Variants in CDH12 observed in about 807,000 individuals in gnomAD.
CDH12 encodes cadherin 12.
Under a neutral mutation model 74.1 loss-of-function variants are expected in CDH12, and 41 were observed. That is an observed-to-expected ratio of 0.55 (90% CI 0.43 to 0.72). The LOEUF is 0.72. Ranked by LOEUF, CDH12 falls within the 30% of genes least tolerant of loss-of-function variation. The pLI, the probability that CDH12 is intolerant of heterozygous loss-of-function variation, is 0.00. For missense variants in CDH12, 945 were observed against 977.2 expected (o/e 0.97, Z 0.44); for synonymous variants, 399 against 355.0 (o/e 1.12, Z -1.39).
intron 3 of CDH12, among the ~76,000 whole-genome samples, chr5:22,230,507 T>G (rs1352042351): frequency 6.7e-6 from 1 of 149,870 alleles, no homozygotes; most frequent in Admixed American, 6.7e-5. Context: ...AGTCTCTCTC[T>G]GTTGCCCAGG....
At chr5:22,242,872 T>C (rs1340412314) in intron 3 of CDH12, among the ~76,000 whole-genome samples, 3 of 152,220 alleles carry the variant, frequency 2.0e-5, no homozygotes, top group African/African-American at 7.2e-5. Flanking sequence ...CTAGATTTGA[T>C]AAAGTCAACT....
At chr5:22,774,120 A>T (rs1214570162) in intron 1 of CDH12, among the ~76,000 whole-genome samples, 3 of 152,150 alleles carry the variant, frequency 2.0e-5, no homozygotes, top group Admixed American at 2.0e-4. Context: ...CAGCAATCCT[A>T]TTACTTGGTA....
At chr5:21,820,093 A>G (rs1027574895) in intron 8 of CDH12, among the ~76,000 whole-genome samples, 12 of 151,782 alleles carry the variant, frequency 7.9e-5, no homozygotes, top group African/African-American at 2.9e-4. Context: ...ATATGGGGGA[A>G]AAAAAATTAA....
intron 3 of CDH12, among the ~76,000 whole-genome samples, chr5:22,271,920 T>C (rs1432319222): frequency 6.6e-6 from 1 of 152,222 alleles, no homozygotes; most frequent in Non-Finnish European, 1.5e-5. Flanking sequence ...AGATTTAGCA[T>C]AATTCTTAAG....
chr5:22,160,957 C>A (rs2150318820), intron 4 of CDH12, among the ~76,000 whole-genome samples: 1 of 152,296 alleles, frequency 6.6e-6, no homozygotes, highest in African/African-American at 2.4e-5. Context: ...GGGTCCTCGA[C>A]AACTGTGTTT....
intron 1 of CDH12, among the ~76,000 whole-genome samples, chr5:22,779,764 G>A (rs1747293665): frequency 6.6e-6 from 1 of 152,070 alleles, no homozygotes; most frequent in Non-Finnish European, 1.5e-5. Context: ...ATGATTGTGA[G>A]TTTCCTGAGG....
intron 5 of CDH12, among the ~76,000 whole-genome samples, chr5:22,032,831 C>T (rs1738914047): frequency 6.7e-6 from 1 of 149,494 alleles, no homozygotes. Context: ...CACACACACA[C>T]ACACGCACAC....
At chr5:21,922,031 T>C (rs1403172306) in intron 6 of CDH12, among the ~76,000 whole-genome samples, 1 of 152,092 alleles carries the variant, frequency 6.6e-6, no homozygotes, top group African/African-American at 2.4e-5. Flanking sequence ...ACCATGGGGG[T>C]GTCCAACATT....
chr5:21,954,224 C>T (rs1252676376), intron 6 of CDH12, among the ~76,000 whole-genome samples: 2 of 151,656 alleles, frequency 1.3e-5, no homozygotes, highest in Non-Finnish European at 2.9e-5. Context: ...GCTAGAGAGG[C>T]AGCTAATCCA....
At chr5:21,833,253 TATATAAC>T (rs1196475461) in intron 8 of CDH12, among the ~76,000 whole-genome samples, 1 of 36,860 alleles carries the variant, frequency 2.7e-5, no homozygotes, top group Non-Finnish European at 3.7e-5. Context: ...TATTATATAT[TATATAAC>T]ATATAATATA....
intron 6 of CDH12, among the ~76,000 whole-genome samples, chr5:21,891,977 CTGT>C (rs1177607389): frequency 6.6e-6 from 1 of 152,118 alleles, no homozygotes. Context: ...TCTCCTGAAC[CTGT>C]TCCAATACTG....
At chr5:22,368,091 G>A (rs998819510) in intron 3 of CDH12, among the ~76,000 whole-genome samples, 2 of 151,794 alleles carry the variant, frequency 1.3e-5, no homozygotes, top group African/African-American at 2.4e-5. Flanking sequence ...CATATGTTAA[G>A]GCAAATTGTT....
At chr5:21,945,806 T>G (rs1275879401) in intron 6 of CDH12, among the ~76,000 whole-genome samples, 2 of 151,868 alleles carry the variant, frequency 1.3e-5, no homozygotes, top group Non-Finnish European at 2.9e-5. Context: ...ATAAAAGAGC[T>G]AACATTCATA....
At chr5:22,332,481 G>A (rs1005590166) in intron 3 of CDH12, among the ~76,000 whole-genome samples, 2 of 152,038 alleles carry the variant, frequency 1.3e-5, no homozygotes, top group African/African-American at 4.8e-5. Context: ...TAATTAAACT[G>A]AAGAGCTTCT....
intron 1 of CDH12, among the ~76,000 whole-genome samples, chr5:22,549,583 T>G (rs1738475068): frequency 6.6e-6 from 1 of 152,138 alleles, no homozygotes; most frequent in Admixed American, 6.6e-5. Context: ...TGCCTCTCAG[T>G]GGAGAAAGCA....
intron 3 of CDH12, among the ~76,000 whole-genome samples, chr5:22,290,778 A>G (rs1737352524): frequency 6.6e-6 from 1 of 152,200 alleles, no homozygotes. Flanking sequence ...ATAACTTAAT[A>G]CATGCAACCT....
At chr5:22,822,540 AAAAC>A (rs1242415925) in intron 1 of CDH12, among the ~76,000 whole-genome samples, 13 of 152,220 alleles carry the variant, frequency 8.5e-5, no homozygotes, top group Admixed American at 7.9e-4. Flanking sequence ...TTACAAGAAA[AAAAC>A]AAACAACCCC....
intron 1 of CDH12, among the ~76,000 whole-genome samples, chr5:22,772,926 A>G (rs1746886654): frequency 6.6e-6 from 1 of 152,110 alleles, no homozygotes; most frequent in Admixed American, 6.6e-5. Context: ...AAATTAAAAT[A>G]CCTAGAAATA....
chr5:22,080,895 T>A (rs1405464352), intron 4 of CDH12, among the ~76,000 whole-genome samples: 1 of 152,100 alleles, frequency 6.6e-6, no homozygotes, highest in African/African-American at 2.4e-5. Flanking sequence ...TTCTTCTGAC[T>A]CAGCCTCCCG....
Sources: allele counts gnomAD v4.1 joint callset (sites outside exome capture counted in the v4.1 genomes callset), GRCh38; gene constraint gnomAD v4.1.1; transcripts MANE v1.5; gene names NCBI Gene and HGNC (gene_info 2026-07-23, HGNC 2026-07-21).